Variants in ARMC9 observed in about 807,000 individuals in gnomAD.
The protein encoded by ARMC9 is armadillo repeat containing 9, also known as lisH domain-containing protein ARMC9.
Under a neutral mutation model 107.0 loss-of-function variants are expected in ARMC9, and 94 were observed. The observed-to-expected ratio is 0.88, with a 90% CI of 0.74 to 1.04. The LOEUF (loss-of-function observed/expected upper bound fraction) is 1.04, where lower values mean the gene tolerates loss of function less well. Among genes scored for constraint, ARMC9 ranks in the 50% least tolerant of loss-of-function variants. ARMC9 has a pLI of 0.00. For synonymous variants in ARMC9, 380 were observed against 396.9 expected, an observed-to-expected ratio of 0.96 and a Z score of 0.51; for missense variants, 942 against 1,030.1, an observed-to-expected ratio of 0.91 and a Z score of 1.17.
In ARMC9 at chr2:231,216,753, C is replaced by G; in HGVS notation, c.464C>G (p.Pro155Arg). The G allele has an allele frequency of 6.2e-7, 1 of 1,614,116 alleles. No individual in the cohort carries two copies. The highest frequency in any genetic ancestry group is 8.5e-7 in the Non-Finnish European group (1 of 1,179,982). ...FLPFYALPFV[P>R]NPMVHPSFKE... is the part of the protein sequence containing the mutation. Reference sequence around the variant, plus strand: ...CCTTTCTATGCCCTTCCTTTTGTTCCCAACCCTATGGTGCACCCCTCATTT... The same window carrying G: ...CCTTTCTATGCCCTTCCTTTTGTTCGCAACCCTATGGTGCACCCCTCATTT... Residue 155 changes from proline to arginine, a missense_variant, in exon 5 of 25, where the codon CCC becomes CGC. Transcript: ENST00000611582.
intron 6 of ARMC9, 56 bp from the exon 7 acceptor site, chr2:231,226,718 T>C (rs2034675681): frequency 6.3e-7 from 1 of 1,585,454 alleles, no homozygotes; most frequent in Non-Finnish European, 8.7e-7. Flanking sequence ...GGATGTCCGA[T>C]ACCCCAAGTA....
intron 9 of ARMC9, among the ~76,000 whole-genome samples, chr2:231,245,425 A>G (rs2036668906): frequency 2.0e-5 from 3 of 152,230 alleles, no homozygotes; most frequent in African/African-American, 7.2e-5. Context: ...CCCATGGCAG[A>G]GCAGCTCCCT....
In ARMC9 at chr2:231,352,700, TA is replaced by T. The variant is rs1200918480; in HGVS notation, c.1995-3097del. Among the ~76,000 whole-genome samples, 24 of 149,512 alleles carry T rather than the reference TA, an allele frequency of 1.6e-4. No homozygotes were observed. In the South Asian group the frequency reaches 3.8e-3, roughly 24 times the overall value. On this transcript the variant is annotated intron_variant, in intron 21 of 24. Transcript: ENST00000611582. ...ATAGATAGATAGATAGATAGATAGA[TA>T]GATAGATGATAGGTAGGTAGATAGA...
chr2:231,341,049 A>T (rs1256762603), intron 20 of ARMC9, among the ~76,000 whole-genome samples: 1 of 152,008 alleles, frequency 6.6e-6, no homozygotes, highest in Non-Finnish European at 1.5e-5. Context: ...CAGATTAATT[A>T]GCTATGGTGA....
At chr2:231,248,287 G>A (rs571801187) in intron 9 of ARMC9, among the ~76,000 whole-genome samples, 14 of 152,240 alleles carry the variant, frequency 9.2e-5, no homozygotes, top group African/African-American at 2.9e-4. Flanking sequence ...TTGGCTTAAT[G>A]TCACATTTCC....
intron 12 of ARMC9, among the ~76,000 whole-genome samples, chr2:231,264,537 G>A (rs191591192): frequency 5.6e-4 from 85 of 150,544 alleles, no homozygotes; most frequent in African/African-American, 2.0e-3. Context: ...CACTCTAGTC[G>A]CCCAGGCTGG....
At chr2:231,206,354 G>A in intron 2 of ARMC9, 65 bp downstream of exon 2, 1 of 1,362,524 alleles carries the variant, frequency 7.3e-7, no homozygotes. Flanking sequence ...GTTTTAAAAT[G>A]CAACAAACTA....
At chr2:231,253,555 GA>G (rs575997256) in intron 9 of ARMC9, among the ~76,000 whole-genome samples, 3 of 151,088 alleles carry the variant, frequency 2.0e-5, no homozygotes, top group Admixed American at 6.6e-5. Flanking sequence ...TCAAAAAAAA[GA>G]AAAAAAAATG....
At chr2:231,265,635 A>C (rs921433398) in intron 12 of ARMC9, among the ~76,000 whole-genome samples, 2 of 152,118 alleles carry the variant, frequency 1.3e-5, no homozygotes. Flanking sequence ...AGAAGTCACC[A>C]CTAAATAACT....
chr2:231,352,157 G>C (rs940394019), intron 21 of ARMC9, among the ~76,000 whole-genome samples: 3 of 151,820 alleles, frequency 2.0e-5, no homozygotes, highest in Non-Finnish European at 4.4e-5. Flanking sequence ...TGTAGAGATA[G>C]GGTCTCACTA....
rs575818680 is a variant in ARMC9, at chr2:231,358,696, C to T, written c.2132-2058C>T. On this transcript the variant is annotated intron_variant, in intron 22 of 24. Transcript: ENST00000611582. The surrounding 1 kb of genome is among the most constrained non-coding windows in gnomAD (Gnocchi z 4.5). Reference sequence around the variant, plus strand: ...TTTGCGCTTTGCGTTCAGTCAGCACCGCAGGGAAAACTCATGAGGAGGAAC... The same window carrying T: ...TTTGCGCTTTGCGTTCAGTCAGCACTGCAGGGAAAACTCATGAGGAGGAAC... 1.3e-5 allele frequency among the ~76,000 whole-genome samples: 2 copies of T among 152,270 alleles called. No individual in the cohort carries two copies. The highest frequency in any genetic ancestry group is 1.9e-4 in the East Asian group (1 of 5,182).
intron 1 of ARMC9, among the ~76,000 whole-genome samples, chr2:231,200,771 G>T (rs1162033964): frequency 6.6e-6 from 1 of 151,880 alleles, no homozygotes; most frequent in African/African-American, 2.4e-5. Flanking sequence ...GGAGGTGGAG[G>T]TTGCAGTGAG....
At chr2:231,349,441 G>A (rs2044949876) in intron 21 of ARMC9, among the ~76,000 whole-genome samples, 1 of 152,086 alleles carries the variant, frequency 6.6e-6, no homozygotes, top group Non-Finnish European at 1.5e-5. Flanking sequence ...GGTTGGTTGG[G>A]GGTGGTGGCT....
chr2:231,361,452 CA>C (rs2045575656), intron 23 of ARMC9, among the ~76,000 whole-genome samples: 2 of 112,704 alleles, frequency 1.8e-5, no homozygotes, highest in South Asian at 5.2e-4. Flanking sequence ...AAAAAAAAAT[CA>C]AAAAACTAAA....
chr2:231,272,808 G>T (rs141777398), intron 13 of ARMC9, 147 bp from the exon 14 acceptor site: 5 of 1,034,132 alleles, frequency 4.8e-6, no homozygotes, highest in Non-Finnish European at 6.9e-6. Flanking sequence ...GAGCCACCGC[G>T]CCCTGCCCAG....
chr2:231,317,315 C>T (rs560120721), intron 19 of ARMC9, among the ~76,000 whole-genome samples: 5 of 152,128 alleles, frequency 3.3e-5, no homozygotes, highest in African/African-American at 7.2e-5. Flanking sequence ...GGATTACAGG[C>T]GCCTGCCACC....
intron 9 of ARMC9, among the ~76,000 whole-genome samples, chr2:231,246,056 G>GC (rs1183493663): frequency 1.3e-5 from 2 of 152,166 alleles, no homozygotes; most frequent in African/African-American, 4.8e-5. Flanking sequence ...TGACCTAGTG[G>GC]CACCTCTGGG....
chr2:231,247,756 C>A (rs1364403624), intron 9 of ARMC9, among the ~76,000 whole-genome samples: 2 of 152,156 alleles, frequency 1.3e-5, no homozygotes, highest in Non-Finnish European at 2.9e-5. Flanking sequence ...CATGACAAAA[C>A]CCCGTCTCTA....
chr2:231,354,629 G>A (rs150734623), intron 21 of ARMC9, among the ~76,000 whole-genome samples: 10,075 of 152,082 alleles, frequency 0.066, 974 homozygotes, highest in African/African-American at 0.21. Flanking sequence ...TGATCTGCCC[G>A]CCTTGGCCTC....
Sources: allele counts gnomAD v4.1 joint callset (sites outside exome capture counted in the v4.1 genomes callset), GRCh38; gene constraint gnomAD v4.1.1; non-coding constraint Gnocchi (gnomAD v3.1); transcripts MANE v1.5; gene names NCBI Gene and HGNC (gene_info 2026-07-23, HGNC 2026-07-21).